The following FSTL5 variants were observed in gnomAD, a reference collection of about 807,000 sequenced individuals.
The protein encoded by FSTL5 is follistatin-related protein 5.
In FSTL5, 62 loss-of-function variants were observed where a neutral mutation model predicts 89.1. That is an observed-to-expected ratio of 0.70 (90% CI 0.57 to 0.86). FSTL5 has a LOEUF of 0.86. FSTL5 is among the 40% of genes least tolerant of loss of function. The probability of loss-of-function intolerance (pLI) is 0.00; values close to 1 mark genes in which losing one functional copy is unlikely to be tolerated. For missense variants in FSTL5, 1,057 were observed against 1,001.6 expected (o/e 1.06, Z -0.75); for synonymous variants, 383 against 346.2 (o/e 1.11, Z -1.18).
At chr4:162,055,606 T>A (rs1342435506) in intron 2 of FSTL5, among the ~76,000 whole-genome samples, 1 of 151,770 alleles carries the variant, frequency 6.6e-6, no homozygotes, top group African/African-American at 2.4e-5. Context: ...TTAATTCTCC[T>A]TAAATCCAAC....
chr4:161,506,412 T>C (rs1408724987), intron 11 of FSTL5, among the ~76,000 whole-genome samples: 9 of 152,216 alleles, frequency 5.9e-5, no homozygotes, highest in East Asian at 5.8e-4. Context: ...TATTTTGAAG[T>C]AGTAATTTTT....
chr4:161,614,740 A>G (rs962366384), intron 7 of FSTL5, among the ~76,000 whole-genome samples: 16 of 152,188 alleles, frequency 1.1e-4, no homozygotes. Flanking sequence ...TTTTCCATCT[A>G]TACTCTCATA....
intron 12 of FSTL5, among the ~76,000 whole-genome samples, chr4:161,483,016 A>G (rs1729570865): frequency 6.6e-6 from 1 of 152,324 alleles, no homozygotes; most frequent in South Asian, 2.1e-4. Flanking sequence ...TCTATGTACC[A>G]TGGCCATTAC....
At chr4:161,514,339 A>C (rs1578890070) in intron 10 of FSTL5, among the ~76,000 whole-genome samples, 1 of 152,158 alleles carries the variant, frequency 6.6e-6, no homozygotes, top group South Asian at 2.1e-4. Context: ...ATGGAACCAC[A>C]GGCCAGTATC....
At chr4:161,449,879 CT>C (rs1236752447) in intron 15 of FSTL5, among the ~76,000 whole-genome samples, 1 of 152,148 alleles carries the variant, frequency 6.6e-6, no homozygotes, top group African/African-American at 2.4e-5. Flanking sequence ...AGATATCTTG[CT>C]GTTATTCTCT....
chr4:161,817,603 T>C (rs971713040), intron 4 of FSTL5, among the ~76,000 whole-genome samples: 3 of 152,216 alleles, frequency 2.0e-5, no homozygotes, highest in Non-Finnish European at 2.9e-5. Context: ...GCAGTTTTAT[T>C]TTTTCTTGAG....
intron 3 of FSTL5, among the ~76,000 whole-genome samples, chr4:161,929,681 G>GTGTGTGTGTGTGTATATA (rs1553983436): frequency 2.6e-5 from 3 of 115,448 alleles, no homozygotes; most frequent in African/African-American, 9.7e-5. Context: ...GTGTGTGTGT[G>GTGTGTGTGTGTGTATATA]TGTGTGTGTG....
intron 15 of FSTL5, among the ~76,000 whole-genome samples, chr4:161,403,303 TTG>T (rs923053638): frequency 6.6e-6 from 1 of 151,886 alleles, no homozygotes; most frequent in African/African-American, 2.4e-5. Flanking sequence ...AACACCATTT[TTG>T]TGTGTGTGTG....
At chr4:161,566,852 G>A (rs1732833475) in intron 8 of FSTL5, among the ~76,000 whole-genome samples, 1 of 152,086 alleles carries the variant, frequency 6.6e-6, no homozygotes, top group Non-Finnish European at 1.5e-5. Context: ...GGTATAGCAT[G>A]TGAAAATGTA....
chr4:161,952,307 C>T (rs1734917882), intron 3 of FSTL5, among the ~76,000 whole-genome samples: 2 of 151,714 alleles, frequency 1.3e-5, no homozygotes, highest in African/African-American at 4.8e-5. Flanking sequence ...CTCAAGGGAA[C>T]TAGGGATGAA....
intron 6 of FSTL5, among the ~76,000 whole-genome samples, chr4:161,751,620 TAAA>T (rs1248533713): frequency 6.6e-6 from 1 of 151,708 alleles, no homozygotes; most frequent in Non-Finnish European, 1.5e-5. Context: ...ACTAAAAAAA[TAAA>T]TAAATAAATT....
At chr4:161,822,678 CATT>C (rs1304532845) in intron 4 of FSTL5, among the ~76,000 whole-genome samples, 1 of 152,198 alleles carries the variant, frequency 6.6e-6, no homozygotes, top group Non-Finnish European at 1.5e-5. Flanking sequence ...TATCTTCTCT[CATT>C]GTCACCCACA....
intron 6 of FSTL5, among the ~76,000 whole-genome samples, chr4:161,695,424 C>CGTGTGTGTGTGTGTGTGT (rs151205054): frequency 0.024 from 3,243 of 134,018 alleles, 46 homozygotes; most frequent in Non-Finnish European, 0.032. Context: ...CCATGGTGTA[C>CGTGTGTGTGTGTGTGTGT]GTGTGTGTGT....
intron 8 of FSTL5, among the ~76,000 whole-genome samples, chr4:161,553,483 A>G (rs926122641): frequency 2.0e-5 from 3 of 151,236 alleles, no homozygotes; most frequent in Middle Eastern, 3.4e-3. Context: ...TCACTGAGCA[A>G]CTCCTGAGCA....
intron 15 of FSTL5, among the ~76,000 whole-genome samples, chr4:161,444,776 C>T (rs1578979501): frequency 6.6e-6 from 1 of 151,620 alleles, no homozygotes; most frequent in South Asian, 2.1e-4. Flanking sequence ...GCACATCAGT[C>T]GTTAGGTTTT....
At chr4:162,063,873 T>G (rs1013646390) in intron 2 of FSTL5, among the ~76,000 whole-genome samples, 6 of 151,998 alleles carry the variant, frequency 3.9e-5, no homozygotes, top group African/African-American at 1.4e-4. Context: ...AAGTAAGCTC[T>G]CCTTGAAAGT....
chr4:161,609,784 A>G (rs1039096507), intron 7 of FSTL5, among the ~76,000 whole-genome samples: 4 of 152,112 alleles, frequency 2.6e-5, no homozygotes, highest in Non-Finnish European at 5.9e-5. Context: ...GGCAGTGCAA[A>G]GCAGCTCAGG....
intron 1 of FSTL5, among the ~76,000 whole-genome samples, chr4:162,130,202 ACTGT>A (rs1219370534): frequency 6.6e-6 from 1 of 152,152 alleles, no homozygotes; most frequent in Non-Finnish European, 1.5e-5. Flanking sequence ...TTTTGTTTTC[ACTGT>A]CTATGTGGGT....
intron 6 of FSTL5, among the ~76,000 whole-genome samples, chr4:161,744,079 G>A (rs540000539): frequency 1.3e-5 from 2 of 152,190 alleles, no homozygotes; most frequent in Admixed American, 1.3e-4. Context: ...ATGAACAACA[G>A]AAGGTGTTTT....
Sources: allele counts gnomAD v4.1 joint callset (sites outside exome capture counted in the v4.1 genomes callset), GRCh38; gene constraint gnomAD v4.1.1; transcripts MANE v1.5; gene names NCBI Gene and HGNC (gene_info 2026-07-23, HGNC 2026-07-21).